IRAK1BP1: variants seen among roughly 807,000 people sequenced by gnomAD.
IRAK1BP1 encodes interleukin-1 receptor-associated kinase 1-binding protein 1.
Under a neutral mutation model 28.0 loss-of-function variants are expected in IRAK1BP1, and 24 were observed. The observed-to-expected ratio is 0.86, with a 90% CI of 0.62 to 1.20. The LOEUF is 1.20. Among genes scored for constraint, IRAK1BP1 ranks in the 50% most tolerant of loss-of-function variants. IRAK1BP1 has a pLI of 0.00. For synonymous variants in IRAK1BP1, 131 were observed against 116.3 expected (o/e 1.13, Z -0.81); for missense variants, 336 against 316.7 (o/e 1.06, Z -0.46).
the IRAK1BP1 span, chr6:78,966,077 A>C: frequency 7.0e-7 from 1 of 1,436,666 alleles, no homozygotes; most frequent in Non-Finnish European, 9.8e-7. Context: ...ACAAAAACTA[A>C]CTCATCATTC....
the IRAK1BP1 span, chr6:78,970,684 C>A: frequency 1.4e-6 from 1 of 729,106 alleles, no homozygotes; most frequent in Non-Finnish European, 2.3e-6. Flanking sequence ...CTTCATGATG[C>A]AGTTTCTTAT....
At chr6:78,960,560 T>A in the IRAK1BP1 span, among the ~76,000 whole-genome samples, 1 of 152,060 alleles carries the variant, frequency 6.6e-6, no homozygotes, top group African/African-American at 2.4e-5. Flanking sequence ...GGACTTCTCC[T>A]TATCTCTACG....
chr6:78,947,994 G>A (rs1434155336), downstream of IRAK1BP1, among the ~76,000 whole-genome samples: 1 of 151,222 alleles, frequency 6.6e-6, no homozygotes, highest in Non-Finnish European at 1.5e-5. Context: ...TCTTATTCAA[G>A]AACACAGAAG....
At chr6:78,945,403 T>C in intron 4 of IRAK1BP1, 1 of 1,612,728 alleles carries the variant, frequency 6.2e-7, no homozygotes, top group South Asian at 1.1e-5. Flanking sequence ...TGTTTTCTTT[T>C]GCAGAATTAT....
chr6:78,917,300 C>T (rs1772586361), intron 4 of IRAK1BP1, among the ~76,000 whole-genome samples: 2 of 150,772 alleles, frequency 1.3e-5, no homozygotes, highest in Admixed American at 6.7e-5. Context: ...TATCAATAGA[C>T]TAGACCAAGC....
the IRAK1BP1 span, among the ~76,000 whole-genome samples, chr6:78,968,697 A>G: frequency 6.6e-6 from 1 of 151,748 alleles, no homozygotes; most frequent in Non-Finnish European, 1.5e-5. Flanking sequence ...AAAACAGCAT[A>G]TAATTCCTTC....
the IRAK1BP1 span, among the ~76,000 whole-genome samples, chr6:78,971,163 A>C: frequency 6.6e-6 from 1 of 152,258 alleles, no homozygotes; most frequent in African/African-American, 2.4e-5. Context: ...AAAATAAGTT[A>C]ATCTATGTTG....
At chr6:78,974,072 C>T in the IRAK1BP1 span, among the ~76,000 whole-genome samples, 3 of 152,152 alleles carry the variant, frequency 2.0e-5, no homozygotes, top group African/African-American at 4.8e-5. Flanking sequence ...ACAGAATATA[C>T]ATTTTTTTCA....
At chr6:78,907,865 G>A (rs530329182), downstream of IRAK1BP1, among the ~76,000 whole-genome samples, 213 of 151,158 alleles carry the variant, frequency 1.4e-3, no homozygotes, top group African/African-American at 4.8e-3. Context: ...GACTACAGGC[G>A]CATGCCTCCA....
intron 4 of IRAK1BP1, chr6:78,935,579 C>G: frequency 1.0e-6 from 1 of 970,298 alleles, no homozygotes; most frequent in Non-Finnish European, 1.2e-6. Flanking sequence ...GGTAAGAAAT[C>G]AATAAAATTG....
intron 4 of IRAK1BP1, among the ~76,000 whole-genome samples, chr6:78,943,831 A>C (rs2127680251): frequency 6.6e-6 from 1 of 152,052 alleles, no homozygotes; most frequent in East Asian, 1.9e-4. Context: ...TATCAAAAAT[A>C]CAAAATCAGC....
At chr6:78,875,256 A>C (rs9341754) in intron 1 of IRAK1BP1, among the ~76,000 whole-genome samples, 68,918 of 152,002 alleles carry the variant, frequency 0.45, 16,204 homozygotes, top group East Asian at 0.69. Flanking sequence ...GATTGTAGAG[A>C]AAGAGGAGTG....
rs530446151 is a variant in IRAK1BP1 at position 78,933,765 on chromosome 6, G to C, written c.*68-11643G>C. 1.1e-4 allele frequency among the ~76,000 whole-genome samples: 16 copies of C among 150,824 alleles called. No individual in the cohort carries two copies. The South Asian group carries it at 2.9e-3, about 28-fold the overall frequency. On this transcript the variant is annotated intron_variant and NMD_transcript_variant, in intron 4 of 4. Transcript: ENST00000606868. Reference sequence around the variant, plus strand: ...TCTCTGGATTAGGTTTTGGCTTCAGGGAATATTGTGGCTGATTTGATCTTC... The same window carrying C: ...TCTCTGGATTAGGTTTTGGCTTCAGCGAATATTGTGGCTGATTTGATCTTC...
chr6:78,975,004 T>TC, the IRAK1BP1 span, among the ~76,000 whole-genome samples: 1 of 150,898 alleles, frequency 6.6e-6, no homozygotes, highest in African/African-American at 2.4e-5. Flanking sequence ...AAAGAGGGAA[T>TC]CCCCCCTAAC....
chr6:78,922,083 T>C (rs1772750020), intron 4 of IRAK1BP1, among the ~76,000 whole-genome samples: 1 of 152,180 alleles, frequency 6.6e-6, no homozygotes, highest in South Asian at 2.1e-4. Context: ...AGAATGAATT[T>C]GACAAGGTGA....
intron 1 of IRAK1BP1, among the ~76,000 whole-genome samples, chr6:78,883,905 G>T (rs973457827): frequency 6.6e-6 from 1 of 152,090 alleles, no homozygotes; most frequent in Non-Finnish European, 1.5e-5. Flanking sequence ...AGCTGTCTCG[G>T]TTATCAGAGC....
At chr6:78,925,269 A>T (rs1261161571) in intron 4 of IRAK1BP1, among the ~76,000 whole-genome samples, 1 of 152,158 alleles carries the variant, frequency 6.6e-6, no homozygotes, top group Non-Finnish European at 1.5e-5. Context: ...ATGTATACAT[A>T]TGTAACAAAC....
At chr6:78,908,793 A>T (rs1772327634) in intron 4 of IRAK1BP1, among the ~76,000 whole-genome samples, 1 of 152,210 alleles carries the variant, frequency 6.6e-6, no homozygotes, top group South Asian at 2.1e-4. Flanking sequence ...CTCTTCACCA[A>T]CAGTAGTCTA....
intron 4 of IRAK1BP1, among the ~76,000 whole-genome samples, chr6:78,912,098 C>T (rs963816006): frequency 6.6e-6 from 1 of 152,050 alleles, no homozygotes. Context: ...TCATAAAGAC[C>T]AGGGACATGT....
Sources: gnomAD v4.1 joint callset for allele counts (sites outside exome capture counted in the v4.1 genomes callset) on GRCh38, gnomAD v4.1.1 for gene constraint, MANE v1.5 for transcripts, NCBI Gene and HGNC (gene_info 2026-07-23, HGNC 2026-07-21) for gene names.